SORCS1: variants seen among roughly 807,000 people sequenced by gnomAD.
The protein encoded by SORCS1 is sortilin related VPS10 domain containing receptor 1.
SORCS1 carries 60 observed loss-of-function variants against 146.1 expected under a neutral mutation model. The ratio of observed to expected loss-of-function variants is 0.41; its 90% CI spans 0.33 to 0.51. The LOEUF (loss-of-function observed/expected upper bound fraction) is 0.51, where lower values mean the gene tolerates loss of function less well. Among genes scored for constraint, SORCS1 ranks in the 20% least tolerant of loss-of-function variants. SORCS1 has a pLI of 0.21. For synonymous variants in SORCS1, 637 were observed against 584.0 expected (o/e 1.09, Z -1.31); for missense variants, 1,352 against 1,487.6 (o/e 0.91, Z 1.50).
intron 2 of SORCS1, among the ~76,000 whole-genome samples, chr10:106,838,556 A>G (rs1948886184): frequency 6.6e-6 from 1 of 152,146 alleles, no homozygotes; most frequent in African/African-American, 2.4e-5. Context: ...GAATAGTTTC[A>G]CTCGGTCAAA....
intron 2 of SORCS1, among the ~76,000 whole-genome samples, chr10:106,944,777 T>C (rs1189552423): frequency 6.8e-6 from 1 of 146,472 alleles, no homozygotes; most frequent in African/African-American, 2.5e-5. Context: ...CATCAGACAA[T>C]AGAGAAGTAA....
chr10:107,086,197 A>G (rs1209164462), intron 1 of SORCS1, among the ~76,000 whole-genome samples: 4 of 152,194 alleles, frequency 2.6e-5, no homozygotes, highest in African/African-American at 9.7e-5. Flanking sequence ...CAGAAGTCCT[A>G]ATCCATTGTA....
rs189665928 is a variant in SORCS1, at chr10:106,994,527, G to T, written c.559-37947C>A. Among the ~76,000 whole-genome samples the T allele has an allele frequency of 6.1e-4, 93 of 152,296 alleles. 1 individual carries two copies. The highest frequency in any genetic ancestry group is 2.2e-3 in the African/African-American group (92 of 41,560). ...AACAGACAGTTTGGAAAAGGACTCT[G>T]AAACCATTTTGTTCTTGAAAATGCT... On this transcript the variant is annotated intron_variant, in intron 1 of 25. Transcript: ENST00000263054.
At chr10:106,942,258 C>A (rs752457512) in intron 2 of SORCS1, among the ~76,000 whole-genome samples, 1 of 152,114 alleles carries the variant, frequency 6.6e-6, no homozygotes, top group Non-Finnish European at 1.5e-5. Context: ...ATGAATGGAT[C>A]GAAGGTCCTA....
chr10:106,673,325 G>A (rs1282687837), intron 14 of SORCS1, among the ~76,000 whole-genome samples: 1 of 151,958 alleles, frequency 6.6e-6, no homozygotes, highest in African/African-American at 2.4e-5. Context: ...TAGAGATGGG[G>A]TTCCACCATG....
intron 1 of SORCS1, among the ~76,000 whole-genome samples, chr10:106,994,374 A>G (rs900851682): frequency 6.6e-6 from 1 of 152,220 alleles, no homozygotes; most frequent in Non-Finnish European, 1.5e-5. Context: ...GTCTACCAGT[A>G]TATGTTACTA....
chr10:106,956,971 G>T (rs1954974656), intron 1 of SORCS1, among the ~76,000 whole-genome samples: 1 of 152,166 alleles, frequency 6.6e-6, no homozygotes, highest in African/African-American at 2.4e-5. Context: ...GTAGCTGGGT[G>T]CATTGAGCAG....
intron 2 of SORCS1, among the ~76,000 whole-genome samples, chr10:106,881,734 C>T (rs1464465681): frequency 2.0e-5 from 3 of 152,204 alleles, no homozygotes. Context: ...TTTGTTGCCA[C>T]CTTACTAAGC....
chr10:106,815,253 G>A (rs888349700), intron 3 of SORCS1, among the ~76,000 whole-genome samples: 9 of 152,032 alleles, frequency 5.9e-5, no homozygotes, highest in Non-Finnish European at 1.3e-4. Context: ...CACCTAACCC[G>A]GCCTCTGTCC....
At chr10:106,619,695 T>C (rs941671045) in intron 20 of SORCS1, among the ~76,000 whole-genome samples, 7 of 152,156 alleles carry the variant, frequency 4.6e-5, no homozygotes, top group Non-Finnish European at 1.0e-4. Flanking sequence ...AAATTTGGCC[T>C]CTTATGAAGC....
At chr10:106,878,165 C>CT (rs35701765) in intron 2 of SORCS1, among the ~76,000 whole-genome samples, 71,854 of 140,998 alleles carry the variant, frequency 0.51, 18,652 homozygotes, top group East Asian at 0.77. Flanking sequence ...GCAGACAGGG[C>CT]TTTTTTTTTT....
chr10:106,955,038 C>T (rs1044371636), intron 2 of SORCS1, among the ~76,000 whole-genome samples: 2 of 152,222 alleles, frequency 1.3e-5, no homozygotes, highest in African/African-American at 4.8e-5. Flanking sequence ...CTGGGCCAGC[C>T]TAGGAGGCAT....
chr10:107,014,292 G>A (rs1957808957), intron 1 of SORCS1, among the ~76,000 whole-genome samples: 1 of 150,028 alleles, frequency 6.7e-6, no homozygotes, highest in African/African-American at 2.5e-5. Flanking sequence ...AAAAGAGAGA[G>A]AGAGAGAGAG....
At chr10:106,704,905 C>T (rs1854406946) in intron 8 of SORCS1, among the ~76,000 whole-genome samples, 1 of 152,004 alleles carries the variant, frequency 6.6e-6, no homozygotes. Flanking sequence ...TATTTCAATG[C>T]TCAAGAGGAA....
intron 1 of SORCS1, among the ~76,000 whole-genome samples, chr10:107,045,768 GA>G (rs1469316153): frequency 6.7e-6 from 1 of 150,006 alleles, no homozygotes; most frequent in East Asian, 2.0e-4. Flanking sequence ...TGTGTTATGT[GA>G]ATATATATCT....
intron 1 of SORCS1, among the ~76,000 whole-genome samples, chr10:107,019,579 C>T (rs1958043515): frequency 6.6e-6 from 1 of 152,216 alleles, no homozygotes; most frequent in Admixed American, 6.5e-5. Flanking sequence ...CCATTTCTTT[C>T]CTGTGATGCA....
intron 1 of SORCS1, among the ~76,000 whole-genome samples, chr10:107,149,810 A>G (rs1344232864): frequency 6.6e-6 from 1 of 152,230 alleles, no homozygotes; most frequent in African/African-American, 2.4e-5. Context: ...CAATGAAGAA[A>G]GTGTTCAACC....
At chr10:107,071,769 AAC>A (rs943213249) in intron 1 of SORCS1, among the ~76,000 whole-genome samples, 1 of 152,204 alleles carries the variant, frequency 6.6e-6, no homozygotes, top group Non-Finnish European at 1.5e-5. Flanking sequence ...CACTTACTTA[AAC>A]AGAGAGAATT....
At chr10:107,052,896 T>C (rs535975136) in intron 1 of SORCS1, among the ~76,000 whole-genome samples, 15 of 152,174 alleles carry the variant, frequency 9.9e-5, no homozygotes, top group Non-Finnish European at 1.9e-4. Context: ...TTGTGTTCCA[T>C]AGAAGATTCA....
Sources: allele counts gnomAD v4.1 joint callset (sites outside exome capture counted in the v4.1 genomes callset), GRCh38; gene constraint gnomAD v4.1.1; transcripts MANE v1.5; gene names NCBI Gene and HGNC (gene_info 2026-07-23, HGNC 2026-07-21).